RHOT1: variants seen among roughly 807,000 people sequenced by gnomAD.
RHOT1 encodes the protein mitochondrial Rho GTPase 1.
Under a neutral mutation model 95.3 loss-of-function variants are expected in RHOT1, and 27 were observed. That is an observed-to-expected ratio of 0.28 (90% confidence interval 0.21 to 0.39). The LOEUF is 0.39. RHOT1 is among the 10% of genes least tolerant of loss of function. The probability of loss-of-function intolerance (pLI) is 1.00; values close to 1 mark genes in which losing one functional copy is unlikely to be tolerated. For missense variants in RHOT1, 578 were observed against 786.7 expected (o/e 0.73, Z 3.17); for synonymous variants, 227 against 263.5 (o/e 0.86, Z 1.34).
In RHOT1 at chr17:32,198,275, T is replaced by G. The variant is rs532059031; in HGVS notation, c.870-672T>G. The stretch of plus-strand genomic sequence containing the variant: ...TCAAGTCAGGTAGAAATAACTTCTC[T>G]GCATCATTTTCAACTCATTACAATA... On this transcript the variant is annotated intron_variant, in intron 11 of 19. Coordinates refer to ENST00000545287, the MANE Select transcript of RHOT1 (RefSeq NM_001033566.3). 3.3e-5 allele frequency among the ~76,000 whole-genome samples: 5 copies of G among 152,368 alleles called. No individual in the cohort carries two copies. In the East Asian group the frequency reaches 9.6e-4, roughly 29 times the overall value.
chr17:32,149,635 A>ATATATGTGTGTGTGTGTGTGTGTGTG (rs1445281403), intron 1 of RHOT1, among the ~76,000 whole-genome samples: 1 of 59,066 alleles, frequency 1.7e-5, no homozygotes, highest in Non-Finnish European at 3.4e-5. Context: ...ATATATATAT[A>ATATATGTGTGTGTGTGTGTGTGTGTG]TGTGTGTGTG....
chr17:32,167,366 G>A (rs1038795198), intron 1 of RHOT1, among the ~76,000 whole-genome samples: 2 of 148,922 alleles, frequency 1.3e-5, no homozygotes, highest in African/African-American at 5.0e-5. Context: ...TCGCTCTGTC[G>A]CCCAGGCTAG....
At chr17:32,155,499 T>C (rs575935971) in intron 1 of RHOT1, among the ~76,000 whole-genome samples, 51 of 151,032 alleles carry the variant, frequency 3.4e-4, no homozygotes, top group East Asian at 7.8e-4. Context: ...TTCTTTCTTT[T>C]TTTTTTTTTT....
intron 1 of RHOT1, among the ~76,000 whole-genome samples, chr17:32,145,731 T>C (rs2031218827): frequency 6.6e-6 from 1 of 152,196 alleles, no homozygotes; most frequent in Non-Finnish European, 1.5e-5. Context: ...AATCATCTAA[T>C]GAGCCAGGTG....
intron 3 of RHOT1, among the ~76,000 whole-genome samples, chr17:32,174,171 G>T (rs527818331): frequency 1.3e-5 from 2 of 152,248 alleles, no homozygotes; most frequent in African/African-American, 4.8e-5. Flanking sequence ...CTTGAAATGT[G>T]ACTGTTCTAA....
At chr17:32,217,697 G>A (rs1043509903) in intron 19 of RHOT1, among the ~76,000 whole-genome samples, 1 of 150,460 alleles carries the variant, frequency 6.6e-6, no homozygotes, top group African/African-American at 2.4e-5. Flanking sequence ...GGAGGTTGCA[G>A]TGAGCCAAGA....
At position 32,192,326 on chromosome 17, in the gene RHOT1, G is replaced by A. The variant is rs745550347; in HGVS notation, c.639+27G>A. ...TAATGGTCCTTTATTTCAGACATTT[G>A]CGTATCTTTTTTTTTTTTTTTTTTT... On this transcript the variant is annotated intron_variant, in intron 9 of 19. Coordinates refer to ENST00000545287, the MANE Select transcript of RHOT1 (RefSeq NM_001033566.3). 1.4e-5 allele frequency: 15 copies of A among 1,046,042 alleles called. 1 individual carries two copies. In the South Asian group the frequency reaches 2.2e-4, roughly 15 times the overall value. 64.8% of individuals were successfully genotyped at this position (1,046,042 alleles called of 1,614,324 possible).
At chr17:32,220,259 G>T (rs2038745866) in intron 19 of RHOT1, among the ~76,000 whole-genome samples, 1 of 152,116 alleles carries the variant, frequency 6.6e-6, no homozygotes, top group African/African-American at 2.4e-5. Context: ...CTACTTATGT[G>T]GCTAAAGCAG....
At chr17:32,202,683 T>C in intron 14 of RHOT1, 87 bp from the exon 15 acceptor site, 1 of 856,308 alleles carries the variant, frequency 1.2e-6, no homozygotes, top group Non-Finnish European at 1.8e-6. Flanking sequence ...TAAGCAGCAA[T>C]GCCCTATTTT....
chr17:32,173,069 C>T (rs920420336), intron 2 of RHOT1: 2 of 152,196 alleles, frequency 1.3e-5, no homozygotes, highest in African/African-American at 4.8e-5. Context: ...GAGTCTGTGT[C>T]ACATCTGAAG....
intron 1 of RHOT1, among the ~76,000 whole-genome samples, chr17:32,147,125 G>A (rs1339614652): frequency 6.6e-6 from 1 of 151,356 alleles, no homozygotes; most frequent in Non-Finnish European, 1.5e-5. Context: ...GCTCGTTACA[G>A]CATCAGCCTC....
At chr17:32,167,267 G>C (rs1013799799) in intron 1 of RHOT1, among the ~76,000 whole-genome samples, 4 of 151,752 alleles carry the variant, frequency 2.6e-5, no homozygotes, top group African/African-American at 9.7e-5. Context: ...GTAAACAAAT[G>C]TGCTGTCATC....
At chr17:32,168,740 A>G (rs1030688630) in intron 1 of RHOT1, among the ~76,000 whole-genome samples, 11 of 151,928 alleles carry the variant, frequency 7.2e-5, no homozygotes, top group Non-Finnish European at 1.5e-4. Context: ...AATATTTTTT[A>G]AAGTATGGCA....
intron 6 of RHOT1, among the ~76,000 whole-genome samples, chr17:32,178,558 C>T (rs566484347): frequency 2.7e-4 from 41 of 152,248 alleles, no homozygotes; most frequent in Non-Finnish European, 4.6e-4. Flanking sequence ...ACCTCCCAGC[C>T]GCCTGCCTTG....
intron 11 of RHOT1, among the ~76,000 whole-genome samples, chr17:32,196,546 C>T (rs2036904526): frequency 6.6e-6 from 1 of 152,164 alleles, no homozygotes; most frequent in Non-Finnish European, 1.5e-5. Context: ...CTGTTCTCCT[C>T]ATGCACACTC....
At chr17:32,145,294 T>C (rs986279595) in intron 1 of RHOT1, among the ~76,000 whole-genome samples, 2 of 152,076 alleles carry the variant, frequency 1.3e-5, no homozygotes, top group African/African-American at 2.4e-5. Context: ...AGTGAGACTC[T>C]GTCTCAAAAA....
chr17:32,186,079 G>C (rs1280370068), intron 8 of RHOT1, among the ~76,000 whole-genome samples: 1 of 152,126 alleles, frequency 6.6e-6, no homozygotes, highest in Non-Finnish European at 1.5e-5. Flanking sequence ...CATGGTAATT[G>C]TATATTTGAC....
At chr17:32,174,227 CTT>C (rs2034811400) in intron 3 of RHOT1, among the ~76,000 whole-genome samples, 2 of 151,988 alleles carry the variant, frequency 1.3e-5, no homozygotes, top group South Asian at 4.1e-4. Flanking sequence ...ATTTTGAAGA[CTT>C]AGTATGAAAA....
At chr17:32,180,697 CAAA>C (rs34530711) in intron 6 of RHOT1, among the ~76,000 whole-genome samples, 2,738 of 77,696 alleles carry the variant, frequency 0.035, 81 homozygotes, top group African/African-American at 0.11. Context: ...TGTTTTAAGC[CAAA>C]AAAAAAAAAA....
Sources: gnomAD v4.1 joint callset for allele counts (sites outside exome capture counted in the v4.1 genomes callset) on GRCh38, gnomAD v4.1.1 for gene constraint, MANE v1.5 for transcripts, NCBI Gene and HGNC (gene_info 2026-07-23, HGNC 2026-07-21) for gene names.